Variants in MON1A observed in about 807,000 individuals in gnomAD.
MON1A encodes vacuolar fusion protein MON1 homolog A.
Under a neutral mutation model 44.6 loss-of-function variants are expected in MON1A, and 29 were observed. The observed-to-expected ratio is 0.65, with a 90% confidence interval of 0.48 to 0.89. The LOEUF (loss-of-function observed/expected upper bound fraction) is 0.89, where lower values mean the gene tolerates loss of function less well. MON1A is among the 40% of genes least tolerant of loss of function. The pLI, the probability that MON1A is intolerant of heterozygous loss-of-function variation, is 0.00. For synonymous variants in MON1A, 275 were observed against 316.4 expected, an observed-to-expected ratio of 0.87 and a Z score of 1.39; for missense variants, 615 against 759.6, an observed-to-expected ratio of 0.81 and a Z score of 2.24.
At chr3:49,928,937 G>A (rs938243967) in intron 1 of MON1A, among the ~76,000 whole-genome samples, 1 of 152,202 alleles carries the variant, frequency 6.6e-6, no homozygotes, top group Non-Finnish European at 1.5e-5. Context: ...CCGGCCAGGC[G>A]CAGTGGCTCA....
Position 49,929,635 on chromosome 3 carries a change from A to C in MON1A, c.-40T>G, listed in dbSNP as rs749245453. 1.3e-6 allele frequency: 2 copies of C among 1,551,412 alleles called. No homozygotes were observed. The highest frequency in any genetic ancestry group is 1.7e-6 in the Non-Finnish European group (2 of 1,146,932). ...TGTTTCTCAGAGGAGTCCAGGACGC[A>C]CAGAAGGTGCCGGTCACTGCCCTCT... On this transcript the variant is annotated 5_prime_UTR_variant, in exon 1 of 6. Coordinates refer to ENST00000296473, the MANE Select transcript of MON1A (RefSeq NM_032355.4).
chr3:49,915,971 A>T (rs1043432732), intron 1 of MON1A: 2 of 152,200 alleles, frequency 1.3e-5, no homozygotes, highest in African/African-American at 4.8e-5. Flanking sequence ...CCAAGAGGGG[A>T]TCCATTCCAG....
At chr3:49,913,743 G>C (rs1054709539) in intron 1 of MON1A, among the ~76,000 whole-genome samples, 2 of 147,460 alleles carry the variant, frequency 1.4e-5, no homozygotes, top group Non-Finnish European at 3.0e-5. Flanking sequence ...GCTCACTGCA[G>C]CCTCCCCCTC....
intron 1 of MON1A, among the ~76,000 whole-genome samples, chr3:49,926,317 A>G (rs1238395943): frequency 6.6e-6 from 1 of 151,664 alleles, no homozygotes. Flanking sequence ...TCAGTCCCTC[A>G]CTCCCTTCAG....
At chr3:49,914,974 C>T (rs1459016039) in intron 1 of MON1A, among the ~76,000 whole-genome samples, 5 of 152,198 alleles carry the variant, frequency 3.3e-5, no homozygotes, top group East Asian at 1.9e-4. Context: ...AGCCACCATG[C>T]CCAGCCTGGT....
intron 1 of MON1A, among the ~76,000 whole-genome samples, chr3:49,927,590 A>G (rs1009274997): frequency 2.6e-5 from 4 of 152,138 alleles, no homozygotes; most frequent in Non-Finnish European, 4.4e-5. Context: ...CCTTCAGGCT[A>G]GGGCTATCAT....
chr3:49,908,903 C>T lies in MON1A; in HGVS notation c.*111G>A. 2.3e-6 allele frequency: 3 copies of T among 1,327,888 alleles called. No individual in the cohort carries two copies. The highest frequency in any genetic ancestry group is 3.0e-5 in the South Asian group (2 of 66,146). 82.3% of individuals were successfully genotyped at this position (1,327,888 alleles called of 1,614,324 possible). A position where few individuals can be genotyped will look rare whatever the true frequency, so the allele number is the denominator to read the frequency against. ...CAAAGCACTTTAATGCATTCACCAA[C>T]CCACAGTCCCTGCCCGCTGGCTGGG... On this transcript the variant is annotated 3_prime_UTR_variant, in exon 6 of 6. Coordinates refer to ENST00000296473, the MANE Select transcript of MON1A (RefSeq NM_032355.4).
chr3:49,927,606 C>T (rs1473997948), intron 1 of MON1A, among the ~76,000 whole-genome samples: 1 of 152,106 alleles, frequency 6.6e-6, no homozygotes, highest in East Asian at 1.9e-4. Context: ...ATCATATAGA[C>T]AGTTGGGAGT....
Position 49,910,505 on chromosome 3 carries a change from T to G in MON1A, c.993A>C (p.Ala331=), listed in dbSNP as rs146509374. The change falls in exon 4 of 6, where the codon GCA becomes GCC. Residue 331 remains alanine, a synonymous_variant. Coordinates refer to ENST00000296473, the MANE Select transcript of MON1A (RefSeq NM_032355.4). The surrounding 1 kb of genome is among the most constrained non-coding windows in gnomAD (Gnocchi z 8.0). ...GAAATTGGTCCTTTCGGCGCACGAG[T>G]GCCACGAGCTGGTTGCGGGCCAGCA... is the stretch of plus-strand genomic sequence containing the variant. ...SILLARNQLV[A]LVRRKDQFLH... The G allele has an allele frequency of 3.7e-6, 6 of 1,613,898 alleles. No individual in the cohort carries two copies. The Admixed American group carries it at 1.0e-4, about 27-fold the overall frequency.
At chr3:49,925,663 C>T (rs1384313164) in intron 1 of MON1A, among the ~76,000 whole-genome samples, 2 of 152,052 alleles carry the variant, frequency 1.3e-5, no homozygotes, top group South Asian at 2.1e-4. Flanking sequence ...CGCTTGAGTA[C>T]AGGAGGTCAA....
intron 1 of MON1A, among the ~76,000 whole-genome samples, chr3:49,914,292 A>G (rs58766761): frequency 0.071 from 10,724 of 151,716 alleles, 393 homozygotes; most frequent in Non-Finnish European, 0.077. Flanking sequence ...TGTGTTGGTC[A>G]GGCTGCTCTC....
chr3:49,914,510 A>T (rs2082926043), intron 1 of MON1A, among the ~76,000 whole-genome samples: 1 of 148,910 alleles, frequency 6.7e-6, no homozygotes, highest in Non-Finnish European at 1.5e-5. Flanking sequence ...AATAGCTGGG[A>T]CTACAAGCAC....
rs2082841630 is a variant in MON1A, at chr3:49,908,960, T to C, written c.*54A>G. 6.4e-7 allele frequency: 1 copy of C among 1,555,928 alleles called. No individual in the cohort carries two copies. The highest frequency in any genetic ancestry group is 1.2e-5 in the South Asian group (1 of 82,978). On this transcript the variant is annotated 3_prime_UTR_variant, in exon 6 of 6. Coordinates refer to ENST00000296473, the MANE Select transcript of MON1A (RefSeq NM_032355.4). Reference sequence around the variant, plus strand: ...AGGCCAGCCCCCATCTGGAGGCTCCTATGGCTTCCCACACCTAGTGTGTCC... The same window carrying C: ...AGGCCAGCCCCCATCTGGAGGCTCCCATGGCTTCCCACACCTAGTGTGTCC...
Position 49,914,310 on chromosome 3 carries a change from C to T in MON1A, c.-13-951G>A, listed in dbSNP as rs1203238494. On this transcript the variant is annotated intron_variant, in intron 1 of 5. Coordinates refer to ENST00000296473, the MANE Select transcript of MON1A (RefSeq NM_032355.4). ...GTTGGTCAGGCTGCTCTCGAACTCC[C>T]GACCTCAAGTGATCCGCCTGCCTCG... Among the ~76,000 whole-genome samples the T allele has an allele frequency of 2.0e-5, 3 of 151,520 alleles. No individual in the cohort carries two copies. The East Asian group carries it at 5.8e-4, about 29-fold the overall frequency.
At chr3:49,923,537 T>C (rs1226919000) in intron 1 of MON1A, among the ~76,000 whole-genome samples, 1 of 145,716 alleles carries the variant, frequency 6.9e-6, no homozygotes, top group African/African-American at 2.5e-5. Context: ...CAATCTCAGC[T>C]CCACCTCCCA....
chr3:49,927,530 T>C (rs1257363750), intron 1 of MON1A, among the ~76,000 whole-genome samples: 2 of 152,038 alleles, frequency 1.3e-5, no homozygotes, highest in African/African-American at 4.8e-5. Context: ...TATGGGCAAA[T>C]ACGCTTCTGA....
At chr3:49,929,390 A>C (rs2108542384) in intron 1 of MON1A, 3 of 615,370 alleles carry the variant, frequency 4.9e-6, no homozygotes, top group Non-Finnish European at 8.5e-6. Context: ...CCCCTACCGG[A>C]TCTCGCCCTC....
chr3:49,929,404 G>A, intron 1 of MON1A: 1 of 649,594 alleles, frequency 1.5e-6, no homozygotes, highest in Admixed American at 3.0e-5. Flanking sequence ...CGCCCTCCCA[G>A]CCAAAGGATG....
At chr3:49,918,291 C>T (rs940670604) in intron 1 of MON1A, among the ~76,000 whole-genome samples, 5 of 151,616 alleles carry the variant, frequency 3.3e-5, no homozygotes, top group Non-Finnish European at 7.4e-5. Context: ...GAGCCGAGAT[C>T]ATGCCACTGC....
Sources: gnomAD v4.1 joint callset for allele counts (sites outside exome capture counted in the v4.1 genomes callset) on GRCh38, gnomAD v4.1.1 for gene constraint, Gnocchi (gnomAD v3.1) non-coding constraint, MANE v1.5 for transcripts, NCBI Gene and HGNC (gene_info 2026-07-23, HGNC 2026-07-21) for gene names.